Variants in GRM5 observed in about 807,000 individuals in gnomAD.
GRM5 encodes the protein metabotropic glutamate receptor 5.
A neutral mutation model predicts 83.1 loss-of-function variants in GRM5; 19 were observed. That is an observed-to-expected ratio of 0.23 (90% CI 0.16 to 0.34). GRM5 has a LOEUF of 0.34. GRM5 is among the 10% of genes least tolerant of loss of function. The pLI is 1.00. For synonymous variants in GRM5, 675 were observed against 633.6 expected (o/e 1.07, Z -0.98); for missense variants, 1,160 against 1,588.3 (o/e 0.73, Z 4.58).
intron 3 of GRM5, among the ~76,000 whole-genome samples, chr11:88,760,808 A>G (rs1942497272): frequency 6.6e-6 from 1 of 152,168 alleles, no homozygotes; most frequent in South Asian, 2.1e-4. Flanking sequence ...AAAATCCTCA[A>G]CAAAATACTA....
chr11:88,836,255 T>C (rs1490003829), intron 3 of GRM5, among the ~76,000 whole-genome samples: 1 of 152,236 alleles, frequency 6.6e-6, no homozygotes, highest in African/African-American at 2.4e-5. Context: ...TCTGCTATTA[T>C]AGCCCCAAAG....
intron 8 of GRM5, among the ~76,000 whole-genome samples, chr11:88,531,727 G>T (rs7946223): frequency 6.6e-6 from 1 of 152,036 alleles, no homozygotes; most frequent in East Asian, 1.9e-4. Context: ...AAAGCTAAAG[G>T]CACCAGAGGC....
Position 88,509,333 on chromosome 11 carries a change from G to A in GRM5, c.2898C>T (p.Gly966=). 1 of 1,600,726 alleles carries A rather than the reference G, an allele frequency of 6.2e-7. No homozygotes were observed. Among genetic ancestry groups the A allele is most frequent in the Non-Finnish European group, 8.5e-7 (1 of 1,175,036 alleles). The change falls in exon 10 of 10, where the codon GGC becomes GGT. Residue 966 remains glycine (G), a synonymous_variant. Transcript: ENST00000305447. ...CCACGCCCCCAGCGCTCCCGCCTGC[G>A]CCAGCGCCAGCGCCCAGGCCACGGC... The part of the protein sequence containing the change: ...TESRGLGAGA[G]AGGSAGGVGA...
intron 2 of GRM5, among the ~76,000 whole-genome samples, chr11:89,005,729 G>C (rs1375292773): frequency 6.6e-6 from 1 of 152,162 alleles, no homozygotes; most frequent in African/African-American, 2.4e-5. Context: ...TGTAACGGTG[G>C]ATGCCTTCAG....
intron 2 of GRM5, among the ~76,000 whole-genome samples, chr11:89,045,497 T>C (rs1941623257): frequency 6.6e-6 from 1 of 152,188 alleles, no homozygotes; most frequent in Non-Finnish European, 1.5e-5. Flanking sequence ...AAGATGATCT[T>C]GGAAATTATA....
chr11:89,023,628 G>A (rs866743374), intron 2 of GRM5, among the ~76,000 whole-genome samples: 11 of 151,754 alleles, frequency 7.2e-5, no homozygotes, highest in Middle Eastern at 3.2e-3. Context: ...GGTGGATCAC[G>A]AGGTCAGGAG....
chr11:88,576,484 T>C (rs150309534), intron 7 of GRM5, among the ~76,000 whole-genome samples: 1 of 152,206 alleles, frequency 6.6e-6, no homozygotes, highest in Non-Finnish European at 1.5e-5. Context: ...AATGAATGAA[T>C]GATTAACAAA....
intron 2 of GRM5, among the ~76,000 whole-genome samples, chr11:88,950,343 GTGAGA>G (rs1329679837): frequency 9.3e-6 from 1 of 107,616 alleles, no homozygotes; most frequent in Non-Finnish European, 2.0e-5. Flanking sequence ...AGAGATATTT[GTGAGA>G]TAAGTGTGTG....
chr11:88,993,470 GAGT>G (rs1352556904), intron 2 of GRM5, among the ~76,000 whole-genome samples: 4 of 152,068 alleles, frequency 2.6e-5, no homozygotes, highest in Non-Finnish European at 5.9e-5. Context: ...GTTTTGAACT[GAGT>G]ACCATACTTT....
chr11:88,878,661 G>C (rs1229584730), intron 2 of GRM5, among the ~76,000 whole-genome samples: 2 of 152,168 alleles, frequency 1.3e-5, no homozygotes, highest in Non-Finnish European at 2.9e-5. Flanking sequence ...AGGTGGCTAA[G>C]TAGGAGAAAG....
At chr11:88,590,278 T>C (rs1019091041) in intron 7 of GRM5, among the ~76,000 whole-genome samples, 3 of 152,178 alleles carry the variant, frequency 2.0e-5, no homozygotes, top group Admixed American at 6.5e-5. Flanking sequence ...TTCTTTCTCT[T>C]CACCTAAAAT....
At chr11:88,805,833 T>C (rs12291901) in intron 3 of GRM5, among the ~76,000 whole-genome samples, 5,133 of 152,268 alleles carry the variant, frequency 0.034, 259 homozygotes, top group African/African-American at 0.1. Context: ...GTTTTTCCCC[T>C]AATTGACAAT....
In GRM5 at chr11:89,048,016, A is replaced by G. The variant is rs202204690; in HGVS notation, c.-144T>C. 19 of 633,134 alleles carry G rather than the reference A, an allele frequency of 3.0e-5. No individual in the cohort carries two copies. Among genetic ancestry groups the G allele is most frequent in the Non-Finnish European group, 1.4e-5 (5 of 363,338 alleles). 39.2% of individuals were successfully genotyped at this position (633,134 alleles called of 1,614,324 possible). ...ATTCAGATGTATTTTCTAAAGGACCATTTTGTCCCCATGTACCATTTAGTT... is the reference window on the plus strand; with the variant it reads ...ATTCAGATGTATTTTCTAAAGGACCGTTTTGTCCCCATGTACCATTTAGTT... On this transcript the variant is annotated 5_prime_UTR_variant, in exon 2 of 10. An upstream start codon of the reference 5' UTR is lost. Transcript: ENST00000305447.
intron 9 of GRM5, 57 bp from the exon 10 acceptor site, chr11:88,509,561 G>A: frequency 7.5e-7 from 1 of 1,335,356 alleles, no homozygotes; most frequent in Non-Finnish European, 1.1e-6. Flanking sequence ...GGGCTTGGAT[G>A]CCGCTTCCCC....
intron 3 of GRM5, among the ~76,000 whole-genome samples, chr11:88,748,563 A>G (rs975934996): frequency 6.6e-6 from 1 of 152,078 alleles, no homozygotes; most frequent in East Asian, 1.9e-4. Flanking sequence ...GGTTCACCGC[A>G]ATGCAGTGTA....
At position 88,506,330 on chromosome 11, in the gene GRM5, A is replaced by C. The variant is rs1032269485; in HGVS notation, c.*2262T>G. 10 of 152,202 alleles carry C rather than the reference A, an allele frequency of 6.6e-5. No individual in the cohort carries two copies. Among genetic ancestry groups the C allele is most frequent in the Non-Finnish European group, 1.5e-4 (10 of 68,022 alleles). 9.4% of individuals were successfully genotyped at this position (152,202 alleles called of 1,614,324 possible). A position where few individuals can be genotyped will look rare whatever the true frequency, so the allele number is the denominator to read the frequency against. On this transcript the variant is annotated 3_prime_UTR_variant, in exon 10 of 10. Transcript: ENST00000305447. ...GTATTGTACTTGAGAATAAAATGAA[A>C]ATCAACATAAGGATTTTATAAAACA...
rs1171586006 is a variant in GRM5, at chr11:88,508,827, G to T, written c.3404C>A (p.Ala1135Glu). Residue 1135 changes from alanine (A) to glutamate (E), a missense_variant, in exon 10 of 10, where the codon GCG becomes GAG. Transcript: ENST00000305447. The surrounding 1 kb of genome is among the most constrained non-coding windows in gnomAD (Gnocchi z 4.2). ...GGAQPAAGAQ[A>E]AGDAARESPA... ...GCTCTCCCGGGCCGCGTCCCCAGCCGCCTGCGCCCCTGCCGCGGGCTGCGC... is the reference window on the plus strand; with the variant it reads ...GCTCTCCCGGGCCGCGTCCCCAGCCTCCTGCGCCCCTGCCGCGGGCTGCGC... 1.3e-6 allele frequency: 2 copies of T among 1,536,978 alleles called. No individual in the cohort carries two copies. The highest frequency in any genetic ancestry group is 1.2e-5 in the South Asian group (1 of 82,924).
intron 9 of GRM5, among the ~76,000 whole-genome samples, chr11:88,513,258 T>G (rs2135082555): frequency 6.6e-6 from 1 of 152,216 alleles, no homozygotes; most frequent in Non-Finnish European, 1.5e-5. Flanking sequence ...AGATGGAGGG[T>G]TTGCTCTTTC....
chr11:88,632,778 A>G (rs569870124), intron 4 of GRM5, among the ~76,000 whole-genome samples: 19 of 152,358 alleles, frequency 1.2e-4, no homozygotes, highest in African/African-American at 4.3e-4. Context: ...CAAAATGGTT[A>G]TAGCATTTTA....
Sources: allele counts gnomAD v4.1 joint callset (sites outside exome capture counted in the v4.1 genomes callset), GRCh38; gene constraint gnomAD v4.1.1; non-coding constraint Gnocchi (gnomAD v3.1); transcripts MANE v1.5; gene names NCBI Gene and HGNC (gene_info 2026-07-23, HGNC 2026-07-21).